GNPAT: variants seen among roughly 807,000 people sequenced by gnomAD.
The protein encoded by GNPAT is glyceronephosphate O-acyltransferase.
GNPAT carries 30 observed loss-of-function variants against 78.4 expected under a neutral mutation model. That is an observed-to-expected ratio of 0.38 (90% CI 0.29 to 0.52). GNPAT has a LOEUF of 0.52. GNPAT is among the 20% of genes least tolerant of loss of function. The pLI, the probability that GNPAT is intolerant of heterozygous loss-of-function variation, is 0.84. For missense variants in GNPAT, 714 were observed against 812.2 expected (o/e 0.88, Z 1.47); for synonymous variants, 271 against 281.1 (o/e 0.96, Z 0.36).
chr1:231,259,419 G>A (rs543505603), intron 2 of GNPAT, among the ~76,000 whole-genome samples: 7 of 152,062 alleles, frequency 4.6e-5, no homozygotes, highest in Non-Finnish European at 8.8e-5. Context: ...AGGCTGAGGC[G>A]GGCGGATCAC....
intron 9 of GNPAT, among the ~76,000 whole-genome samples, chr1:231,268,582 C>T (rs865393): frequency 0.5 from 71,271 of 143,382 alleles, 17,904 homozygotes; most frequent in Admixed American, 0.56. Flanking sequence ...CGAGACCAGC[C>T]TCAGTAACAT....
At position 231,266,397 on chromosome 1, in the gene GNPAT, T is replaced by C; in HGVS notation, c.1045T>C (p.Leu349=). ...AGRMSRSSYN[L]VPRYIPQKQS... ...GAGGATGAGTCGGAGCTCATATAAC[T>C]TGGTTCCAAGGTGTGACCTGTGTTT... The change falls in exon 8 of 16, where the codon TTG becomes CTG. Residue 349 remains leucine (L), a synonymous_variant. Coordinates refer to ENST00000366647, the MANE Select transcript of GNPAT (RefSeq NM_014236.4). 6.2e-7 allele frequency: 1 copy of C among 1,614,012 alleles called. No homozygotes were observed. The highest frequency in any genetic ancestry group is 8.5e-7 in the Non-Finnish European group (1 of 1,179,892).
chr1:231,241,552 A>T, intron 1 of GNPAT, 96 bp downstream of exon 1: 1 of 936,878 alleles, frequency 1.1e-6, no homozygotes, highest in South Asian at 1.3e-5. Context: ...CCCTTGCCCA[A>T]AAGAGCTGGC....
intron 2 of GNPAT, among the ~76,000 whole-genome samples, chr1:231,255,245 CT>C (rs1360102530): frequency 6.6e-6 from 1 of 152,074 alleles, no homozygotes; most frequent in Non-Finnish European, 1.5e-5. Context: ...GAACTTTGCT[CT>C]CCTGACTATC....
chr1:231,277,371 A>C, intron 15 of GNPAT, 128 bp from the exon 16 acceptor site: 28 of 707,848 alleles, frequency 4.0e-5, no homozygotes, highest in Middle Eastern at 4.0e-4. Context: ...CCCCATGGGT[A>C]CTGGCCAGCC....
chr1:231,265,689 T>C, intron 5 of GNPAT, 23 bp from the exon 6 acceptor site: 1 of 1,445,088 alleles, frequency 6.9e-7, no homozygotes, highest in Non-Finnish European at 9.7e-7. Flanking sequence ...GGGTTTTGTG[T>C]TTTGTTTGTT....
intron 2 of GNPAT, among the ~76,000 whole-genome samples, chr1:231,252,006 A>G (rs1229694866): frequency 1.3e-5 from 2 of 152,236 alleles, no homozygotes; most frequent in Non-Finnish European, 2.9e-5. Context: ...TAAGAGGGTC[A>G]TGTTATGAAG....
chr1:231,252,590 T>C (rs1266913829), intron 2 of GNPAT, among the ~76,000 whole-genome samples: 1 of 152,200 alleles, frequency 6.6e-6, no homozygotes, highest in Non-Finnish European at 1.5e-5. Context: ...TGGCAAGGAA[T>C]GACTGGCCTC....
At chr1:231,256,393 GACCAA>G (rs1217898868) in intron 2 of GNPAT, among the ~76,000 whole-genome samples, 1 of 148,466 alleles carries the variant, frequency 6.7e-6, no homozygotes, top group African/African-American at 2.5e-5. Flanking sequence ...TGCACTGGTT[GACCAA>G]ACCACCACAA....
chr1:231,241,258 C>G lies in GNPAT; in HGVS notation c.-121C>G. On this transcript the variant is annotated 5_prime_UTR_variant, in exon 1 of 16. Coordinates refer to ENST00000366647, the MANE Select transcript of GNPAT (RefSeq NM_014236.4). Reference sequence around the variant, plus strand: ...CGCCCGGGATCCTGTGTAGCGGCTGCAGAGGGTGCCGCCGCCCTAGGCGAA... The same window carrying G: ...CGCCCGGGATCCTGTGTAGCGGCTGGAGAGGGTGCCGCCGCCCTAGGCGAA... 2 of 1,432,398 alleles carry G rather than the reference C, an allele frequency of 1.4e-6. No individual in the cohort carries two copies. The highest frequency in any genetic ancestry group is 2.0e-6 in the Non-Finnish European group (2 of 1,016,128). The allele number at this position is 1,432,398 out of a possible 1,614,324, so 88.7% of individuals were successfully genotyped here. A position where few individuals can be genotyped will look rare whatever the true frequency, so the allele number is the denominator to read the frequency against.
intron 1 of GNPAT, among the ~76,000 whole-genome samples, chr1:231,241,797 C>T (rs1198847957): frequency 6.6e-6 from 1 of 152,232 alleles, no homozygotes; most frequent in African/African-American, 2.4e-5. Flanking sequence ...GAGGGCATGT[C>T]GAGCTACCTT....
At chr1:231,247,809 C>T (rs1219877222) in intron 1 of GNPAT, among the ~76,000 whole-genome samples, 1 of 152,162 alleles carries the variant, frequency 6.6e-6, no homozygotes, top group African/African-American at 2.4e-5. Context: ...AACTGCAGGT[C>T]TTGGCATAGC....
In GNPAT at chr1:231,241,214, G is replaced by A; in HGVS notation, c.-165G>A. The A allele has an allele frequency of 1.3e-6, 2 of 1,542,912 alleles. No individual in the cohort carries two copies. Among genetic ancestry groups the A allele is most frequent in the Non-Finnish European group, 1.8e-6 (2 of 1,120,228 alleles). On this transcript the variant is annotated 5_prime_UTR_variant, in exon 1 of 16. Coordinates refer to ENST00000366647, the MANE Select transcript of GNPAT (RefSeq NM_014236.4). ...CGCTGCAGGGCCCTGCGCGGCTTCCGTCCTGGCTGAGATGGCGGCGCCCGG... is the reference window on the plus strand; with the variant it reads ...CGCTGCAGGGCCCTGCGCGGCTTCCATCCTGGCTGAGATGGCGGCGCCCGG...
At chr1:231,262,225 C>A (rs911739873) in intron 3 of GNPAT, among the ~76,000 whole-genome samples, 4 of 152,142 alleles carry the variant, frequency 2.6e-5, no homozygotes, top group African/African-American at 9.7e-5. Flanking sequence ...TTTTTTTAAT[C>A]TCTCCAAGAG....
intron 2 of GNPAT, among the ~76,000 whole-genome samples, chr1:231,254,406 T>C (rs1360997358): frequency 6.6e-6 from 1 of 152,152 alleles, no homozygotes; most frequent in Non-Finnish European, 1.5e-5. Context: ...CTCTTCTTAC[T>C]CTCAGCAGAT....
chr1:231,260,722 C>A, intron 3 of GNPAT, 39 bp downstream of exon 3: 4 of 1,301,210 alleles, frequency 3.1e-6, no homozygotes, highest in South Asian at 1.2e-5. Context: ...AAATAAAAGT[C>A]TCATCTTAAA....
At chr1:231,265,834 A>T (rs763280398) in intron 6 of GNPAT, 47 bp downstream of exon 6, 2 of 1,198,364 alleles carry the variant, frequency 1.7e-6, no homozygotes, top group Non-Finnish European at 2.5e-6. Context: ...CAAAGACATC[A>T]GCTGCTACAT....
intron 2 of GNPAT, among the ~76,000 whole-genome samples, chr1:231,251,724 T>G (rs1684904461): frequency 6.6e-6 from 1 of 152,210 alleles, no homozygotes; most frequent in African/African-American, 2.4e-5. Flanking sequence ...TGGCTTATTT[T>G]AAGGACCGAA....
intron 10 of GNPAT, among the ~76,000 whole-genome samples, chr1:231,272,014 C>T (rs531671113): frequency 1.7e-3 from 255 of 152,234 alleles, no homozygotes; most frequent in African/African-American, 5.9e-3. Context: ...GCTGGAGAAT[C>T]GCTTGACCCC....
Sources: gnomAD v4.1 joint callset for allele counts (sites outside exome capture counted in the v4.1 genomes callset) on GRCh38, gnomAD v4.1.1 for gene constraint, MANE v1.5 for transcripts, NCBI Gene and HGNC (gene_info 2026-07-23, HGNC 2026-07-21) for gene names.